The following TNFSF4 variants were observed in gnomAD, a reference collection of about 807,000 sequenced individuals.
TNFSF4 encodes TNF superfamily member 4.
TNFSF4 carries 4 observed loss-of-function variants against 7.3 expected under a neutral mutation model. That is an observed-to-expected ratio of 0.55 (90% CI 0.27 to 1.25). TNFSF4 has a LOEUF of 1.25. Ranked by LOEUF, TNFSF4 falls within the 50% of genes most tolerant of loss-of-function variation. The probability of loss-of-function intolerance (pLI) is 0.12; values close to 1 mark genes in which losing one functional copy is unlikely to be tolerated. For synonymous variants in TNFSF4, 76 were observed against 83.7 expected (o/e 0.91, Z 0.50); for missense variants, 181 against 208.8 (o/e 0.87, Z 0.82).
the TNFSF4 span, among the ~76,000 whole-genome samples, chr1:173,322,518 G>C: frequency 6.6e-6 from 1 of 152,106 alleles, no homozygotes; most frequent in African/African-American, 2.4e-5. Flanking sequence ...TCATCTCACT[G>C]GGGAGTGCTT....
At chr1:173,210,728 G>C (rs182686526), upstream of TNFSF4, among the ~76,000 whole-genome samples, 1,404 of 152,134 alleles carry the variant, frequency 9.2e-3, 18 homozygotes, top group Non-Finnish European at 0.011. Flanking sequence ...ATAATTCTAG[G>C]GGGGGGAAAA....
At chr1:173,275,404 C>A in the TNFSF4 span, among the ~76,000 whole-genome samples, 1 of 152,054 alleles carries the variant, frequency 6.6e-6, no homozygotes, top group African/African-American at 2.4e-5. Context: ...TCTCTAGCTC[C>A]CAAGCCTCTG....
the TNFSF4 span, among the ~76,000 whole-genome samples, chr1:173,297,905 C>T: frequency 6.6e-6 from 1 of 151,910 alleles, no homozygotes; most frequent in Admixed American, 6.6e-5. Flanking sequence ...GACCACATGA[C>T]ATTTATCTCC....
chr1:173,242,084 T>C, the TNFSF4 span, among the ~76,000 whole-genome samples: 1 of 152,308 alleles, frequency 6.6e-6, no homozygotes. Context: ...TTTTTTCTAC[T>C]AATCATACTT....
the TNFSF4 span, among the ~76,000 whole-genome samples, chr1:173,350,965 A>T: frequency 3.9e-5 from 6 of 152,214 alleles, no homozygotes; most frequent in Non-Finnish European, 1.5e-5. Flanking sequence ...CTCTCTGTCT[A>T]TCTAAAGACT....
At chr1:173,445,308 T>C in the TNFSF4 span, among the ~76,000 whole-genome samples, 1 of 152,214 alleles carries the variant, frequency 6.6e-6, no homozygotes, top group Non-Finnish European at 1.5e-5. Flanking sequence ...TTCCTCTTTC[T>C]TTTCACAGGC....
the TNFSF4 span, among the ~76,000 whole-genome samples, chr1:173,383,973 A>G: frequency 6.6e-6 from 1 of 152,248 alleles, no homozygotes; most frequent in Non-Finnish European, 1.5e-5. Flanking sequence ...TTATGTTGTT[A>G]TCGTCATCAT....
chr1:173,445,058 A>G, the TNFSF4 span, among the ~76,000 whole-genome samples: 1 of 152,230 alleles, frequency 6.6e-6, no homozygotes, highest in East Asian at 1.9e-4. Context: ...GATTAGTGTC[A>G]GTCATTGTAT....
At chr1:173,390,999 G>A in the TNFSF4 span, among the ~76,000 whole-genome samples, 1 of 151,912 alleles carries the variant, frequency 6.6e-6, no homozygotes, top group East Asian at 1.9e-4. Flanking sequence ...TCCTGCCTCA[G>A]CCTCCCAAAG....
chr1:173,241,091 A>G, the TNFSF4 span, among the ~76,000 whole-genome samples: 1 of 152,132 alleles, frequency 6.6e-6, no homozygotes, highest in African/African-American at 2.4e-5. Flanking sequence ...AGACCTCACT[A>G]TGACACACAT....
chr1:173,266,180 G>T, the TNFSF4 span, among the ~76,000 whole-genome samples: 49,394 of 152,008 alleles, frequency 0.32, 8,234 homozygotes, highest in Admixed American at 0.41. Flanking sequence ...AAGAAAGAAT[G>T]TGAAGGATGA....
chr1:173,254,104 A>T, the TNFSF4 span, among the ~76,000 whole-genome samples: 1 of 152,250 alleles, frequency 6.6e-6, no homozygotes, highest in African/African-American at 2.4e-5. Flanking sequence ...GGTAGCCATC[A>T]GTCAAAGTGT....
the TNFSF4 span, among the ~76,000 whole-genome samples, chr1:173,284,375 A>T: frequency 1.3e-5 from 2 of 152,222 alleles, no homozygotes; most frequent in African/African-American, 4.8e-5. Flanking sequence ...AGCCATCTTC[A>T]TCACATATAA....
chr1:173,294,427 GAAC>G, the TNFSF4 span, among the ~76,000 whole-genome samples: 1 of 151,990 alleles, frequency 6.6e-6, no homozygotes, highest in East Asian at 1.9e-4. Flanking sequence ...ACAGATATAG[GAAC>G]AATAGACACT....
At chr1:173,200,989 G>GA (rs1301880813) in intron 1 of TNFSF4, among the ~76,000 whole-genome samples, 2 of 152,174 alleles carry the variant, frequency 1.3e-5, no homozygotes, top group African/African-American at 4.8e-5. Flanking sequence ...AAGGCCTACT[G>GA]AAAAAAGATT....
downstream of TNFSF4, among the ~76,000 whole-genome samples, chr1:173,181,119 T>C (rs1027696094): frequency 1.3e-5 from 2 of 152,190 alleles, no homozygotes; most frequent in African/African-American, 4.8e-5. Context: ...AGAATACAGA[T>C]TGTCATATCC....
At chr1:173,209,727 G>A (rs539992851), upstream of TNFSF4, among the ~76,000 whole-genome samples, 1 of 152,180 alleles carries the variant, frequency 6.6e-6, no homozygotes, top group South Asian at 2.1e-4. Flanking sequence ...GGTCACAAAT[G>A]CCTAGCCTCA....
the TNFSF4 span, chr1:173,418,085 C>T: frequency 3.3e-5 from 5 of 152,130 alleles, no homozygotes; most frequent in African/African-American, 7.2e-5. Flanking sequence ...CCGCCAAGGA[C>T]GGAAATTATC....
chr1:173,374,927 T>C, the TNFSF4 span, among the ~76,000 whole-genome samples: 1 of 152,190 alleles, frequency 6.6e-6, no homozygotes, highest in African/African-American at 2.4e-5. Flanking sequence ...TACTACCACA[T>C]ACTCTCATAG....
Sources: gnomAD v4.1 joint callset for allele counts (sites outside exome capture counted in the v4.1 genomes callset) on GRCh38, gnomAD v4.1.1 for gene constraint, MANE v1.5 for transcripts, NCBI Gene and HGNC (gene_info 2026-07-23, HGNC 2026-07-21) for gene names.